PIBF1: variants seen among roughly 807,000 people sequenced by gnomAD.
PIBF1 encodes the protein progesterone immunomodulatory binding factor 1, also known as progesterone-induced-blocking factor 1.
A neutral mutation model predicts 112.5 loss-of-function variants in PIBF1; 90 were observed. That is an observed-to-expected ratio of 0.80 (90% confidence interval 0.67 to 0.95). PIBF1 has a LOEUF of 0.95. Among genes scored for constraint, PIBF1 ranks in the 40% least tolerant of loss-of-function variants. PIBF1 has a pLI of 0.00. For synonymous variants in PIBF1, 301 were observed against 288.6 expected, an observed-to-expected ratio of 1.04 and a Z score of -0.44; for missense variants, 915 against 852.3, an observed-to-expected ratio of 1.07 and a Z score of -0.92.
intron 14 of PIBF1, among the ~76,000 whole-genome samples, chr13:72,952,778 G>T (rs189950295): frequency 1.4e-3 from 208 of 151,174 alleles, no homozygotes; most frequent in African/African-American, 4.9e-3. Context: ...CTCAGATGCT[G>T]ATGATAGTAG....
chr13:73,009,886 C>G (rs1023178077), intron 17 of PIBF1, among the ~76,000 whole-genome samples: 7 of 152,176 alleles, frequency 4.6e-5, no homozygotes, highest in Non-Finnish European at 8.8e-5. Context: ...AAAGGAGAGT[C>G]AGAAAGAACT....
At chr13:72,985,112 T>G (rs1048047090) in intron 16 of PIBF1, among the ~76,000 whole-genome samples, 1 of 152,124 alleles carries the variant, frequency 6.6e-6, no homozygotes, top group Non-Finnish European at 1.5e-5. Flanking sequence ...TGTGCTTATA[T>G]GACTATCTTA....
In PIBF1 at chr13:72,816,840, A is replaced by G. The variant is rs75467140; in HGVS notation, c.673-5009A>G. On this transcript the variant is annotated intron_variant, in intron 5 of 17. Transcript: ENST00000326291. ...ACCACTTCAGATTTTGTCTGTCTTTAGAATCAATTTTTTTTTTGAAAAATT... is the reference window on the plus strand; with the variant it reads ...ACCACTTCAGATTTTGTCTGTCTTTGGAATCAATTTTTTTTTTGAAAAATT... Among the ~76,000 whole-genome samples the G allele has an allele frequency of 6.9e-3, 1,053 of 152,226 alleles. 15 individuals are homozygous for G. Among genetic ancestry groups the G allele is most frequent in the African/African-American group, 0.024 (1,016 of 41,526 alleles).
chr13:72,906,204 A>C (rs1171324623), intron 11 of PIBF1, among the ~76,000 whole-genome samples: 1 of 152,022 alleles, frequency 6.6e-6, no homozygotes, highest in African/African-American at 2.4e-5. Flanking sequence ...ATTGATTGTT[A>C]ATTTGGAGAT....
At chr13:72,825,495 C>T (rs1695948936) in intron 6 of PIBF1, among the ~76,000 whole-genome samples, 1 of 152,080 alleles carries the variant, frequency 6.6e-6, no homozygotes, top group South Asian at 2.1e-4. Context: ...TAACACCAAT[C>T]GAAAATACAA....
chr13:72,783,366 C>T (rs112128997), intron 1 of PIBF1, 57 bp from the exon 2 acceptor site: 9 of 789,704 alleles, frequency 1.1e-5, no homozygotes, highest in Non-Finnish European at 1.8e-5. Context: ...TAATACAGTC[C>T]ATGATTTCTG....
At position 72,860,222 on chromosome 13, in the gene PIBF1, A is replaced by G. The variant is rs184236020; in HGVS notation, c.1322+6067A>G. On this transcript the variant is annotated intron_variant, in intron 10 of 17. Coordinates refer to ENST00000326291, the MANE Select transcript of PIBF1 (RefSeq NM_006346.4). The stretch of plus-strand genomic sequence containing the variant: ...GAGTTGACGCACTCATTAAATTACC[A>G]TGCAAAAGAAATGGTGAACACAAGC... Among the ~76,000 whole-genome samples the G allele has an allele frequency of 8.7e-4, 133 of 152,138 alleles. No individual in the cohort carries two copies. In the Middle Eastern group the frequency reaches 0.014, roughly 16 times the overall value.
In PIBF1 at chr13:72,908,690, T is replaced by TC. The variant is rs763248902; in HGVS notation, c.1639+14dup. 4 of 1,602,940 alleles carry TC rather than the reference T, an allele frequency of 2.5e-6. No individual in the cohort carries two copies. The highest frequency in any genetic ancestry group is 3.4e-6 in the Non-Finnish European group (4 of 1,175,954). ...AATGCAAACTGCAGAAAGTAAGTCT[T>TC]CCCCCACACACACATGCACAACTTT... On this transcript the variant is annotated intron_variant, in intron 12 of 17. Coordinates refer to ENST00000326291, the MANE Select transcript of PIBF1 (RefSeq NM_006346.4).
At chr13:72,797,503 G>A (rs1181581786) in intron 4 of PIBF1, among the ~76,000 whole-genome samples, 1 of 152,172 alleles carries the variant, frequency 6.6e-6, no homozygotes, top group Non-Finnish European at 1.5e-5. Context: ...TTTGGTCAGA[G>A]ACCTATAGGG....
intron 9 of PIBF1, among the ~76,000 whole-genome samples, chr13:72,835,902 A>G (rs546330992): frequency 1.3e-5 from 2 of 152,034 alleles, no homozygotes; most frequent in East Asian, 3.9e-4. Context: ...GATCGAGACT[A>G]TCCTGGCTAA....
At chr13:72,792,306 T>G (rs1335120267) in intron 2 of PIBF1, 141 bp from the exon 3 acceptor site, 1 of 578,002 alleles carries the variant, frequency 1.7e-6, no homozygotes, top group Non-Finnish European at 3.0e-6. Flanking sequence ...GTGCTGGAAT[T>G]ATAGGCGTGA....
chr13:72,990,579 G>A lies in PIBF1; in HGVS notation c.2050-8243G>A, dbSNP rs546776378. On this transcript the variant is annotated intron_variant, in intron 16 of 17. Coordinates refer to ENST00000326291, the MANE Select transcript of PIBF1 (RefSeq NM_006346.4). ...AATGAAGTTTAAAGCTGGGCATGGT[G>A]GCTCACACCTGTAATACCAGCACTT... Among the ~76,000 whole-genome samples the A allele has an allele frequency of 9.3e-5, 14 of 150,002 alleles. No individual in the cohort carries two copies. The South Asian group carries it at 2.5e-3, about 27-fold the overall frequency.
Position 72,782,255 on chromosome 13 carries a change from A to C in PIBF1, c.-142A>C. On this transcript the variant is annotated 5_prime_UTR_variant, in exon 1 of 18. Transcript: ENST00000326291. Reference sequence around the variant, plus strand: ...TTGAAATCCCTTGTTGAGGGCCTGCAACCTTGTGCTTCCGACCGGAGACGC... The same window carrying C: ...TTGAAATCCCTTGTTGAGGGCCTGCCACCTTGTGCTTCCGACCGGAGACGC... The C allele has an allele frequency of 5.7e-6, 1 of 174,054 alleles. No homozygotes were observed. The highest frequency in any genetic ancestry group is 1.2e-5 in the Non-Finnish European group (1 of 81,776). 10.8% of individuals were successfully genotyped at this position (174,054 alleles called of 1,614,324 possible).
At chr13:72,886,633 C>A (rs1430935990) in intron 10 of PIBF1, among the ~76,000 whole-genome samples, 1 of 151,832 alleles carries the variant, frequency 6.6e-6, no homozygotes, top group Non-Finnish European at 1.5e-5. Flanking sequence ...TTATTAATGG[C>A]ATTACATATT....
chr13:72,999,356 T>C (rs2043784532), intron 17 of PIBF1, among the ~76,000 whole-genome samples: 1 of 152,020 alleles, frequency 6.6e-6, no homozygotes, highest in Non-Finnish European at 1.5e-5. Context: ...TTTTTAAAAA[T>C]AGAGAAAATA....
chr13:72,975,350 C>T (rs1038142744), intron 16 of PIBF1, among the ~76,000 whole-genome samples: 4 of 152,032 alleles, frequency 2.6e-5, no homozygotes, highest in African/African-American at 9.7e-5. Context: ...CCACCGCGCC[C>T]GACCAGAAAA....
chr13:72,821,737 T>C, intron 5 of PIBF1, 112 bp from the exon 6 acceptor site: 2 of 692,946 alleles, frequency 2.9e-6, no homozygotes, highest in Non-Finnish European at 4.3e-6. Context: ...GAATTTTTTT[T>C]ACTGTTTAAT....
At chr13:72,947,766 A>C (rs1407832019) in intron 14 of PIBF1, among the ~76,000 whole-genome samples, 1 of 152,194 alleles carries the variant, frequency 6.6e-6, no homozygotes, top group African/African-American at 2.4e-5. Flanking sequence ...AAATCATTCT[A>C]ATATAAAAAC....
intron 10 of PIBF1, among the ~76,000 whole-genome samples, chr13:72,880,659 A>C (rs1326488245): frequency 1.3e-5 from 2 of 152,176 alleles, no homozygotes; most frequent in Non-Finnish European, 2.9e-5. Context: ...TGAATATTTA[A>C]CCCTCTGAAT....
Sources: allele counts gnomAD v4.1 joint callset (sites outside exome capture counted in the v4.1 genomes callset), GRCh38; gene constraint gnomAD v4.1.1; transcripts MANE v1.5; gene names NCBI Gene and HGNC (gene_info 2026-07-23, HGNC 2026-07-21).